The following TECRL variants were observed in gnomAD, a reference collection of about 807,000 sequenced individuals.
The protein encoded by TECRL is trans-2,3-enoyl-CoA reductase-like.
In TECRL, 63 loss-of-function variants were observed where a neutral mutation model predicts 52.8. That is an observed-to-expected ratio of 1.19 (90% CI 0.97 to 1.47). The LOEUF (loss-of-function observed/expected upper bound fraction) is 1.47. Among genes scored for constraint, TECRL ranks in the 40% most tolerant of loss-of-function variants. TECRL has a pLI of 0.00. For synonymous variants in TECRL, 164 were observed against 141.9 expected, an observed-to-expected ratio of 1.16 and a Z score of -1.10; for missense variants, 482 against 429.6, an observed-to-expected ratio of 1.12 and a Z score of -1.08.
At chr4:64,370,065 G>T (rs987523734) in intron 2 of TECRL, among the ~76,000 whole-genome samples, 2 of 151,554 alleles carry the variant, frequency 1.3e-5, no homozygotes, top group African/African-American at 4.8e-5. Context: ...GATTCTTACT[G>T]GTATAAAAAA....
chr4:64,325,778 C>T (rs1718221616), intron 3 of TECRL, among the ~76,000 whole-genome samples: 1 of 152,044 alleles, frequency 6.6e-6, no homozygotes, highest in Non-Finnish European at 1.5e-5. Flanking sequence ...AGTTTCTACC[C>T]TTCTATCATG....
At chr4:64,290,598 A>G (rs1663153420) in intron 8 of TECRL, among the ~76,000 whole-genome samples, 2 of 152,142 alleles carry the variant, frequency 1.3e-5, no homozygotes. Context: ...CATAAAATAT[A>G]TCGGATTTTG....
At chr4:64,374,465 G>A (rs998784423) in intron 2 of TECRL, among the ~76,000 whole-genome samples, 6 of 151,284 alleles carry the variant, frequency 4.0e-5, no homozygotes, top group Admixed American at 1.3e-4. Context: ...CAATGTGCAG[G>A]TTTGTTACAT....
chr4:64,358,532 T>C (rs1177011224), intron 2 of TECRL, among the ~76,000 whole-genome samples: 2 of 151,698 alleles, frequency 1.3e-5, no homozygotes, highest in Non-Finnish European at 3.0e-5. Flanking sequence ...TTTGTGTCTA[T>C]CAGAAGAGAT....
At chr4:64,281,584 CAAT>C in intron 9 of TECRL, 25 bp from the exon 10 acceptor site, 8 of 1,312,470 alleles carry the variant, frequency 6.1e-6, no homozygotes, top group Non-Finnish European at 6.6e-6. Context: ...AGTAAAATGT[CAAT>C]GATGCTACAC....
chr4:64,287,989 A>C (rs1350112228), intron 9 of TECRL, among the ~76,000 whole-genome samples: 1 of 152,084 alleles, frequency 6.6e-6, no homozygotes, highest in Non-Finnish European at 1.5e-5. Context: ...TCTACTAAAA[A>C]TACAAAATTA....
At chr4:64,328,996 CT>C (rs1222248342) in intron 2 of TECRL, among the ~76,000 whole-genome samples, 1 of 151,878 alleles carries the variant, frequency 6.6e-6, no homozygotes, top group Non-Finnish European at 1.5e-5. Flanking sequence ...AGAGTAAATA[CT>C]AAGATGTCTA....
intron 9 of TECRL, among the ~76,000 whole-genome samples, chr4:64,288,501 T>TA (rs1723199819): frequency 6.6e-6 from 1 of 152,156 alleles, no homozygotes; most frequent in African/African-American, 2.4e-5. Flanking sequence ...TATATATATA[T>TA]AAAAGTCATT....
chr4:64,335,632 A>G (rs777973452), intron 2 of TECRL, among the ~76,000 whole-genome samples: 2 of 152,132 alleles, frequency 1.3e-5, no homozygotes, highest in East Asian at 1.9e-4. Flanking sequence ...TAGGGCACTC[A>G]TGATCTGTCT....
intron 2 of TECRL, among the ~76,000 whole-genome samples, chr4:64,349,313 A>T (rs529278101): frequency 6.6e-6 from 1 of 151,944 alleles, no homozygotes; most frequent in Admixed American, 6.6e-5. Flanking sequence ...TTGTATTTTT[A>T]GTAGAGATGG....
intron 2 of TECRL, among the ~76,000 whole-genome samples, chr4:64,360,253 C>A (rs1261743860): frequency 3.6e-5 from 1 of 27,414 alleles, no homozygotes; most frequent in Non-Finnish European, 1.5e-4. Flanking sequence ...GAGATACCCA[C>A]TTAATTTTTT....
Position 64,316,584 on chromosome 4 carries a change from G to A in TECRL, c.436-1821C>T, listed in dbSNP as rs117051850. Among the ~76,000 whole-genome samples, 365 of 152,114 alleles carry A rather than the reference G, an allele frequency of 2.4e-3. 10 individuals carry two copies. In the East Asian group the frequency reaches 0.056, roughly 23 times the overall value. On this transcript the variant is annotated intron_variant, in intron 4 of 11. Transcript: ENST00000381210. ...GGGCTAGATAGACACATATTAATAT[G>A]GTCTTCTGAAAATGGAACTGGTCTT... is the stretch of plus-strand genomic sequence containing the variant.
chr4:64,375,279 C>A, intron 1 of TECRL, 56 bp from the exon 2 acceptor site: 2 of 952,698 alleles, frequency 2.1e-6, no homozygotes, highest in Non-Finnish European at 2.9e-6. Flanking sequence ...TGTTTTCTAT[C>A]CATTTAAGAA....
chr4:64,314,424 A>G (rs1321634904), intron 5 of TECRL, among the ~76,000 whole-genome samples: 1 of 152,192 alleles, frequency 6.6e-6, no homozygotes, highest in East Asian at 1.9e-4. Context: ...ATTTTAAGGT[A>G]TACCTAATAG....
intron 3 of TECRL, among the ~76,000 whole-genome samples, chr4:64,325,956 C>T (rs952291101): frequency 2.0e-5 from 3 of 152,066 alleles, no homozygotes; most frequent in Non-Finnish European, 4.4e-5. Flanking sequence ...GATTATGTCC[C>T]TTATCAAAGG....
At chr4:64,342,685 A>T (rs1719671243) in intron 2 of TECRL, among the ~76,000 whole-genome samples, 1 of 152,154 alleles carries the variant, frequency 6.6e-6, no homozygotes, top group South Asian at 2.1e-4. Context: ...CAATAAAAAC[A>T]AAAATAAATG....
chr4:64,378,566 G>C (rs1224575761), intron 1 of TECRL, among the ~76,000 whole-genome samples: 1 of 152,032 alleles, frequency 6.6e-6, no homozygotes, highest in African/African-American at 2.4e-5. Context: ...ATTTTATTCA[G>C]AATGGACAAG....
At chr4:64,340,273 TC>T (rs1719463533) in intron 2 of TECRL, among the ~76,000 whole-genome samples, 1 of 152,094 alleles carries the variant, frequency 6.6e-6, no homozygotes, top group African/African-American at 2.4e-5. Context: ...AGCCTCTCAC[TC>T]CATGGAGCAG....
chr4:64,293,448 TAC>T (rs1723504274), intron 8 of TECRL, among the ~76,000 whole-genome samples: 1 of 152,044 alleles, frequency 6.6e-6, no homozygotes, highest in Non-Finnish European at 1.5e-5. Context: ...TTTAAAAAAA[TAC>T]ACCCTGTTAA....
Sources: allele counts gnomAD v4.1 joint callset (sites outside exome capture counted in the v4.1 genomes callset), GRCh38; gene constraint gnomAD v4.1.1; transcripts MANE v1.5; gene names NCBI Gene and HGNC (gene_info 2026-07-23, HGNC 2026-07-21).